The following HAUS7 variants were observed in gnomAD, a reference collection of about 807,000 sequenced individuals.
HAUS7 encodes HAUS augmin like complex subunit 7, also known as HAUS augmin-like complex subunit 7.
A neutral mutation model predicts 28.4 loss-of-function variants in HAUS7; 3 were observed. The observed-to-expected ratio is 0.11, with a 90% CI of 0.05 to 0.27. HAUS7 has a LOEUF of 0.27. HAUS7 is among the 10% of genes least tolerant of loss of function. The probability of loss-of-function intolerance (pLI) is 1.00; values close to 1 mark genes in which losing one functional copy is unlikely to be tolerated. For synonymous variants in HAUS7, 165 were observed against 132.1 expected (o/e 1.25, Z -1.71); for missense variants, 284 against 297.3 (o/e 0.96, Z 0.33).
intron 1 of HAUS7, 31 bp downstream of exon 1, chrX:153,470,419 G>T: frequency 8.5e-7 from 1 of 1,179,235 alleles, no homozygotes; most frequent in Non-Finnish European, 1.1e-6. Flanking sequence ...CCGGTCCCCC[G>T]CCCTGGAGTG....
intron 1 of HAUS7, among the ~76,000 whole-genome samples, chrX:153,488,280 A>G (rs1556988939): frequency 8.9e-6 from 1 of 111,897 alleles, no homozygotes; most frequent in African/African-American, 3.3e-5. Context: ...GCCTTTCTCT[A>G]CCCTGGCGGG....
At chrX:153,471,994 T>C (rs1556985461), upstream of HAUS7, among the ~76,000 whole-genome samples, 1 of 112,185 alleles carries the variant, frequency 8.9e-6, no homozygotes, top group Non-Finnish European at 1.9e-5. Flanking sequence ...TCTTTCTTTT[T>C]AGAAAATTTC....
At chrX:153,464,669 A>G (rs1188518189) in intron 3 of HAUS7, among the ~76,000 whole-genome samples, 2 of 112,625 alleles carry the variant, frequency 1.8e-5, no homozygotes, top group African/African-American at 6.5e-5. Context: ...GCTCCGCTGG[A>G]GAGCAGCAGG....
intron 1 of HAUS7, chrX:153,481,491 C>T (rs1297045801): frequency 4.0e-5 from 30 of 755,045 alleles, no homozygotes; most frequent in Non-Finnish European, 4.5e-5. Flanking sequence ...CACATGGGCA[C>T]AGGCACAGGC....
rs56708319 is a variant in HAUS7, at chrX:153,459,344, T to C, written c.355-2116A>G. The stretch of plus-strand genomic sequence containing the variant: ...TATTTACCGCCTTTCTGTAGGTTTT[T>C]CTGTTTCTTCACTTTCTTCATGGTG... On this transcript the variant is annotated intron_variant, in intron 4 of 9. Transcript: ENST00000370211. Among the ~76,000 whole-genome samples, 218 of 112,622 alleles carry C rather than the reference T, an allele frequency of 1.9e-3. 1 individual carries two copies. The highest frequency in any genetic ancestry group is 3.4e-3 in the Non-Finnish European group (184 of 53,346).
chrX:153,457,630 G>A (rs1426312949), intron 4 of HAUS7, among the ~76,000 whole-genome samples: 1 of 113,294 alleles, frequency 8.8e-6, no homozygotes, highest in Non-Finnish European at 1.9e-5. Flanking sequence ...TCCCAGCTGG[G>A]AACAGATGAA....
At chrX:153,455,983 C>T (rs1028457280) in intron 7 of HAUS7, among the ~76,000 whole-genome samples, 5 of 112,451 alleles carry the variant, frequency 4.4e-5, no homozygotes, top group African/African-American at 6.5e-5. Flanking sequence ...CGGTCTCCTC[C>T]GCAATCAAAC....
At chrX:153,469,467 A>T (rs1288099308) in intron 1 of HAUS7, among the ~76,000 whole-genome samples, 1 of 112,335 alleles carries the variant, frequency 8.9e-6, no homozygotes, top group African/African-American at 3.2e-5. Context: ...CTGGGGGATT[A>T]CAGGCATGCG....
At chrX:153,462,506 C>T in intron 4 of HAUS7, 104 bp downstream of exon 4, 1 of 684,971 alleles carries the variant, frequency 1.5e-6, no homozygotes, top group Non-Finnish European at 2.3e-6. Context: ...ACCTCAAAGG[C>T]ACTAGGGGAG....
intron 8 of HAUS7, 181 bp from the exon 9 acceptor site, chrX:153,454,689 C>G: frequency 2.1e-6 from 1 of 475,723 alleles, no homozygotes; most frequent in Non-Finnish European, 3.7e-6. Context: ...AGTCACCAAT[C>G]AGAGTTCTCG....
intron 1 of HAUS7, among the ~76,000 whole-genome samples, chrX:153,492,977 A>G (rs1459195368): frequency 2.7e-5 from 3 of 112,060 alleles, no homozygotes; most frequent in African/African-American, 9.7e-5. Flanking sequence ...CACCTCGGGC[A>G]GCAGGCATGC....
intron 9 of HAUS7, among the ~76,000 whole-genome samples, chrX:153,453,730 G>C (rs782282431): frequency 3.6e-5 from 4 of 111,119 alleles, no homozygotes; most frequent in Non-Finnish European, 7.5e-5. Flanking sequence ...TAGGATACGA[G>C]GAAACTGGAT....
intron 1 of HAUS7, among the ~76,000 whole-genome samples, chrX:153,487,780 A>C (rs1265121622): frequency 8.9e-6 from 1 of 112,208 alleles, no homozygotes; most frequent in Non-Finnish European, 1.9e-5. Flanking sequence ...TGACCTCCCC[A>C]TGTGCCAGGA....
intron 7 of HAUS7, 94 bp downstream of exon 7, chrX:153,456,171 A>G (rs2089305616): frequency 6.0e-6 from 4 of 666,187 alleles, no homozygotes; most frequent in Non-Finnish European, 9.7e-6. Flanking sequence ...GGCCCGGTGC[A>G]CAGGCAACCT....
At chrX:153,456,053 T>C (rs1602930810) in intron 7 of HAUS7, among the ~76,000 whole-genome samples, 1 of 112,428 alleles carries the variant, frequency 8.9e-6, no homozygotes, top group East Asian at 2.8e-4. Context: ...GGCAATGTGC[T>C]CAGGCGTGGG....
At chrX:153,456,026 C>T (rs1310437274) in intron 7 of HAUS7, among the ~76,000 whole-genome samples, 2 of 112,586 alleles carry the variant, frequency 1.8e-5, no homozygotes, top group African/African-American at 3.2e-5. Context: ...AGGAGGACCA[C>T]GTGCGGCAAG....
rs1444273010 is a variant in HAUS7, at chrX:153,462,125, A to G, written c.354+485T>C. On this transcript the variant is annotated intron_variant, in intron 4 of 9. Transcript: ENST00000370211. ...TCAAAAATCATATGCAAGAATGTTT[A>G]TAGTAGCATTACTCATAATCATCGA... is the stretch of plus-strand genomic sequence containing the variant. The G allele has an allele frequency of 4.8e-5, 50 of 1,048,243 alleles. No homozygotes were observed. In the African/African-American group the frequency reaches 9.1e-4, roughly 19 times the overall value. The allele number at this position is 1,048,243 out of a possible 1,213,427, so 86.4% of individuals were successfully genotyped here.
chrX:153,491,470 G>C (rs1435738244), intron 1 of HAUS7, among the ~76,000 whole-genome samples: 5 of 112,738 alleles, frequency 4.4e-5, no homozygotes, highest in Non-Finnish European at 9.4e-5. Context: ...AGCTGGCTTA[G>C]ATCCCTGCGC....
chrX:153,472,329 C>T (rs1331932121), upstream of HAUS7, among the ~76,000 whole-genome samples: 1 of 111,932 alleles, frequency 8.9e-6, no homozygotes, highest in African/African-American at 3.3e-5. Flanking sequence ...GGCCATCCCC[C>T]TCATGGAGAA....
Sources: gnomAD v4.1 joint callset for allele counts (sites outside exome capture counted in the v4.1 genomes callset) on GRCh38, gnomAD v4.1.1 for gene constraint, MANE v1.5 for transcripts, NCBI Gene and HGNC (gene_info 2026-07-23, HGNC 2026-07-21) for gene names.